Variants in CNTNAP2 observed in about 807,000 individuals in gnomAD.
The protein encoded by CNTNAP2 is contactin associated protein 2.
A neutral mutation model predicts 155.2 loss-of-function variants in CNTNAP2; 98 were observed. That is an observed-to-expected ratio of 0.63 (90% CI 0.54 to 0.75). The LOEUF (loss-of-function observed/expected upper bound fraction) is 0.75, where lower values mean the gene tolerates loss of function less well. CNTNAP2 is among the 30% of genes least tolerant of loss of function. The pLI, the probability that CNTNAP2 is intolerant of heterozygous loss-of-function variation, is 0.00. For synonymous variants in CNTNAP2, 651 were observed against 631.2 expected (o/e 1.03, Z -0.47); for missense variants, 1,727 against 1,688.1 (o/e 1.02, Z -0.40).
At chr7:146,811,078 T>C (rs948233559) in intron 2 of CNTNAP2, among the ~76,000 whole-genome samples, 1 of 152,174 alleles carries the variant, frequency 6.6e-6, no homozygotes, top group Non-Finnish European at 1.5e-5. Context: ...TTATTAGAAG[T>C]ATTGGCCAGT....
chr7:148,163,512 C>T (rs1033837333), intron 17 of CNTNAP2, among the ~76,000 whole-genome samples: 3 of 152,144 alleles, frequency 2.0e-5, no homozygotes, highest in Admixed American at 6.5e-5. Context: ...AACCCAGTGT[C>T]CCTTCAGTCT....
intron 3 of CNTNAP2, among the ~76,000 whole-genome samples, chr7:146,842,906 C>G (rs374444994): frequency 6.7e-6 from 1 of 149,418 alleles, no homozygotes; most frequent in African/African-American, 2.5e-5. Context: ...AGGATGGTCT[C>G]CATCTCCTGA....
chr7:147,131,099 C>T (rs944024284), intron 7 of CNTNAP2, among the ~76,000 whole-genome samples: 17 of 137,446 alleles, frequency 1.2e-4, no homozygotes, highest in African/African-American at 4.3e-4. Flanking sequence ...TGTATATATA[C>T]ACACACATAT....
At chr7:146,406,489 G>T (rs191704537) in intron 1 of CNTNAP2, among the ~76,000 whole-genome samples, 4 of 152,236 alleles carry the variant, frequency 2.6e-5, no homozygotes, top group African/African-American at 9.6e-5. Flanking sequence ...TCTTCCTGGT[G>T]TGGTTTATTA....
chr7:147,366,251 T>C (rs957484), intron 9 of CNTNAP2, among the ~76,000 whole-genome samples: 26,177 of 152,148 alleles, frequency 0.17, 2,851 homozygotes, highest in Non-Finnish European at 0.24. Context: ...TAATCTGGAA[T>C]GAATCTAAAG....
intron 13 of CNTNAP2, among the ~76,000 whole-genome samples, chr7:147,678,588 G>A (rs1344900655): frequency 6.6e-6 from 1 of 151,856 alleles, no homozygotes; most frequent in Non-Finnish European, 1.5e-5. Context: ...AAAATGGCAA[G>A]ATAACAGCAA....
At chr7:147,958,266 AT>A (rs1801053728) in intron 14 of CNTNAP2, among the ~76,000 whole-genome samples, 1 of 152,184 alleles carries the variant, frequency 6.6e-6, no homozygotes, top group African/African-American at 2.4e-5. Context: ...TCACCAAAAA[AT>A]GAATACTTAC....
chr7:147,422,602 C>T (rs894518807), intron 10 of CNTNAP2, among the ~76,000 whole-genome samples: 1 of 152,078 alleles, frequency 6.6e-6, no homozygotes, highest in African/African-American at 2.4e-5. Context: ...AGTTCTTTTA[C>T]ACACTGAAGG....
At chr7:146,667,559 C>T (rs370763523) in intron 1 of CNTNAP2, among the ~76,000 whole-genome samples, 2 of 151,208 alleles carry the variant, frequency 1.3e-5, no homozygotes, top group East Asian at 2.0e-4. Context: ...AGATTCTTTT[C>T]GATAGTATGG....
chr7:146,340,171 A>AG (rs1420055272), intron 1 of CNTNAP2, among the ~76,000 whole-genome samples: 1 of 139,128 alleles, frequency 7.2e-6, no homozygotes, highest in East Asian at 2.0e-4. Flanking sequence ...TCCGCCTCAA[A>AG]AAAAAAAAAA....
chr7:146,950,391 A>G (rs192367940), intron 3 of CNTNAP2, among the ~76,000 whole-genome samples: 177 of 152,156 alleles, frequency 1.2e-3, no homozygotes, highest in African/African-American at 3.3e-3. Flanking sequence ...GGTTTGCTGC[A>G]CCCATTAACC....
At chr7:147,055,641 G>C (rs1262471869) in intron 4 of CNTNAP2, among the ~76,000 whole-genome samples, 1 of 152,152 alleles carries the variant, frequency 6.6e-6, no homozygotes, top group Non-Finnish European at 1.5e-5. Flanking sequence ...GGACATGGGG[G>C]TTGTCCTTGG....
intron 15 of CNTNAP2, among the ~76,000 whole-genome samples, chr7:147,994,578 G>A (rs1801769538): frequency 6.6e-6 from 1 of 152,126 alleles, no homozygotes; most frequent in African/African-American, 2.4e-5. Flanking sequence ...GCTGTCAGAA[G>A]ATCTGATGGT....
intron 1 of CNTNAP2, among the ~76,000 whole-genome samples, chr7:146,770,725 T>C (rs953118956): frequency 7.2e-5 from 11 of 152,186 alleles, no homozygotes; most frequent in African/African-American, 2.4e-4. Flanking sequence ...GGTACTCAGA[T>C]GATGAATTAG....
intron 9 of CNTNAP2, among the ~76,000 whole-genome samples, chr7:147,304,430 C>G (rs529799913): frequency 6.6e-6 from 1 of 152,180 alleles, no homozygotes; most frequent in African/African-American, 2.4e-5. Context: ...TGATACAGGC[C>G]GGAATCCATG....
chr7:146,774,907 C>T (rs972239239), intron 2 of CNTNAP2, among the ~76,000 whole-genome samples: 10 of 152,064 alleles, frequency 6.6e-5, no homozygotes, highest in Admixed American at 6.6e-4. Flanking sequence ...GAGTTCTTGA[C>T]CTTAAATCAT....
At chr7:146,530,391 A>C (rs1237314273) in intron 1 of CNTNAP2, among the ~76,000 whole-genome samples, 1 of 152,186 alleles carries the variant, frequency 6.6e-6, no homozygotes, top group African/African-American at 2.4e-5. Flanking sequence ...GGACCTAATT[A>C]AACTAAAGAT....
At chr7:146,921,080 G>A (rs1200010307) in intron 3 of CNTNAP2, among the ~76,000 whole-genome samples, 1 of 152,106 alleles carries the variant, frequency 6.6e-6, no homozygotes, top group Non-Finnish European at 1.5e-5. Flanking sequence ...TTCTAGAAAA[G>A]GAAAAATTAT....
intron 2 of CNTNAP2, among the ~76,000 whole-genome samples, chr7:146,828,952 G>A (rs1372522218): frequency 6.6e-6 from 1 of 152,026 alleles, no homozygotes. Flanking sequence ...ATTTGGATTT[G>A]CATTCACATT....
Sources: allele counts gnomAD v4.1 joint callset (sites outside exome capture counted in the v4.1 genomes callset), GRCh38; gene constraint gnomAD v4.1.1; transcripts MANE v1.5; gene names NCBI Gene and HGNC (gene_info 2026-07-23, HGNC 2026-07-21).